SAMSN1: variants seen among roughly 807,000 people sequenced by gnomAD.
The protein encoded by SAMSN1 is SAM domain-containing protein SAMSN-1.
In SAMSN1, 31 loss-of-function variants were observed where a neutral mutation model predicts 42.0. The ratio of observed to expected loss-of-function variants is 0.74; its 90% CI spans 0.55 to 1.00. The LOEUF (loss-of-function observed/expected upper bound fraction) is 1.00. Among genes scored for constraint, SAMSN1 ranks in the 50% least tolerant of loss-of-function variants. The probability of loss-of-function intolerance (pLI) is 0.00; values close to 1 mark genes in which losing one functional copy is unlikely to be tolerated. For missense variants in SAMSN1, 464 were observed against 439.4 expected, an observed-to-expected ratio of 1.06 and a Z score of -0.50; for synonymous variants, 178 against 151.9, an observed-to-expected ratio of 1.17 and a Z score of -1.26.
chr21:14,562,117 C>T (rs1980965349), intron 2 of SAMSN1, among the ~76,000 whole-genome samples: 1 of 151,520 alleles, frequency 6.6e-6, no homozygotes. Flanking sequence ...GTAAGGTGAG[C>T]ATGTATACAT....
At chr21:14,599,459 G>A (rs2123294695) in intron 6 of SAMSN1, among the ~76,000 whole-genome samples, 1 of 152,300 alleles carries the variant, frequency 6.6e-6, no homozygotes, top group Middle Eastern at 3.4e-3. Flanking sequence ...AGGCAAAACT[G>A]TGAGTCAATT....
chr21:14,569,988 C>A (rs977086048), intron 2 of SAMSN1, among the ~76,000 whole-genome samples: 2 of 151,970 alleles, frequency 1.3e-5, no homozygotes, highest in East Asian at 3.9e-4. Context: ...CCACTTTCCC[C>A]CCCCCCAGTT....
chr21:14,590,689 T>C (rs903132113), intron 7 of SAMSN1, among the ~76,000 whole-genome samples: 1 of 152,210 alleles, frequency 6.6e-6, no homozygotes, highest in Admixed American at 6.5e-5. Context: ...TGGTAATTTG[T>C]TCTTAGCCAC....
At chr21:14,486,171 G>A (rs1986427922) in intron 7 of SAMSN1, 57 bp from the exon 8 acceptor site, 1 of 1,167,894 alleles carries the variant, frequency 8.6e-7, no homozygotes, top group South Asian at 1.3e-5. Flanking sequence ...TCTTATTCAT[G>A]TACTCATTCA....
chr21:14,495,785 A>T (rs1398657865), intron 7 of SAMSN1: 1 of 152,210 alleles, frequency 6.6e-6, no homozygotes, highest in Admixed American at 6.5e-5. Flanking sequence ...TTTCTGATAG[A>T]TGTAAGAGAC....
At position 14,577,048 on chromosome 21, in the gene SAMSN1, C is replaced by CTTTTTT. The variant is rs991163598; in HGVS notation, c.261+5082_261+5087dup. Among the ~76,000 whole-genome samples, 291 of 54,904 alleles carry CTTTTTT rather than the reference C, an allele frequency of 5.3e-3. 12 individuals are homozygous for CTTTTTT. The highest frequency in any genetic ancestry group is 6.7e-3 in the Non-Finnish European group (200 of 29,948). The allele number at this position is 54,904 out of a possible 152,430, so 36.0% of individuals were successfully genotyped here. ...GTTTATGTCTAGATTGCATCCGTTTCTTTTTTTTTTTTTTTTTTTTTTTTT... is the reference window on the plus strand; with the variant it reads ...GTTTATGTCTAGATTGCATCCGTTTCTTTTTTTTTTTTTTTTTTTTTTTTTTTTTTT... On this transcript the variant is annotated intron_variant, in intron 2 of 8. Transcript: ENST00000285670.
chr21:14,653,235 A>T (rs1668463221), intron 1 of SAMSN1, among the ~76,000 whole-genome samples: 1 of 152,002 alleles, frequency 6.6e-6, no homozygotes, highest in Admixed American at 6.6e-5. Context: ...TAAGATTTGG[A>T]CACAACCTAA....
intron 2 of SAMSN1, among the ~76,000 whole-genome samples, chr21:14,636,628 G>A (rs1983474008): frequency 6.6e-6 from 1 of 152,080 alleles, no homozygotes; most frequent in Non-Finnish European, 1.5e-5. Context: ...GGATCACGAG[G>A]TAACAAGATC....
chr21:14,643,077 T>C (rs185886235), exon 2 of SAMSN1: 1 of 717,388 alleles, frequency 1.4e-6, no homozygotes, highest in Non-Finnish European at 2.6e-6. Context: ...TAGACATGTT[T>C]TCTTGGTTAG....
intron 2 of SAMSN1, among the ~76,000 whole-genome samples, chr21:14,577,690 C>T (rs1044408806): frequency 2.6e-5 from 4 of 152,046 alleles, no homozygotes; most frequent in Non-Finnish European, 5.9e-5. Context: ...CACTTGGCTT[C>T]AAAGATTATT....
chr21:14,538,009 G>A (rs983052876), intron 1 of SAMSN1, among the ~76,000 whole-genome samples: 7 of 152,042 alleles, frequency 4.6e-5, no homozygotes, highest in African/African-American at 1.7e-4. Context: ...CTCCTGACTT[G>A]TCTTATTTGG....
chr21:14,537,010 C>T (rs1000357109), intron 1 of SAMSN1, among the ~76,000 whole-genome samples: 5 of 152,212 alleles, frequency 3.3e-5, no homozygotes, highest in Non-Finnish European at 7.3e-5. Flanking sequence ...ACTGGTCTCA[C>T]TCCCTTCAGT....
In SAMSN1 at chr21:14,510,312, T is replaced by C; in HGVS notation, c.559A>G (p.Lys187Glu). ...GGTGGGATATGATGTCCTCTCACCT[T>C]GATTTTGAGGGAGTCAGTGTCATAG... ...SPYDTDSLKI[K>E]KGDIIDIICK... The change falls in exon 5 of 8, where the codon AAG becomes GAG. Residue 187 changes from lysine to glutamate, a missense_variant and splice_region_variant. Transcript: ENST00000400566. 1 of 1,614,098 alleles carries C rather than the reference T, an allele frequency of 6.2e-7. No homozygotes were observed. The highest frequency in any genetic ancestry group is 1.1e-5 in the South Asian group (1 of 91,072).
chr21:14,530,038 C>T (rs767291008), intron 1 of SAMSN1, among the ~76,000 whole-genome samples: 4 of 152,056 alleles, frequency 2.6e-5, no homozygotes, highest in East Asian at 1.9e-4. Context: ...CAAATCTGGC[C>T]GGGCGCAGTG....
chr21:14,512,708 G>A (rs1987742273), intron 3 of SAMSN1, 135 bp from the exon 4 acceptor site: 4 of 764,002 alleles, frequency 5.2e-6, no homozygotes, highest in Non-Finnish European at 8.2e-6. Context: ...TACAAAAGTA[G>A]TTCATCTTCA....
chr21:14,602,175 CT>C (rs1224327201), intron 5 of SAMSN1: 11 of 437,184 alleles, frequency 2.5e-5, no homozygotes, highest in African/African-American at 1.2e-4. Flanking sequence ...CAATTTAACA[CT>C]CATGTTTTTA....
chr21:14,497,272 G>A (rs2822707), intron 7 of SAMSN1, among the ~76,000 whole-genome samples: 79,067 of 152,038 alleles, frequency 0.52, 21,194 homozygotes, highest in East Asian at 0.65. Context: ...GAGCACATAT[G>A]TTTTAAAAAT....
chr21:14,515,009 A>C (rs1987843408), intron 3 of SAMSN1, among the ~76,000 whole-genome samples: 1 of 152,236 alleles, frequency 6.6e-6, no homozygotes, highest in Non-Finnish European at 1.5e-5. Context: ...GATGAGAAAG[A>C]AAGCAGAGCC....
At chr21:14,633,897 G>A (rs1202167273) in intron 2 of SAMSN1, among the ~76,000 whole-genome samples, 1 of 152,034 alleles carries the variant, frequency 6.6e-6, no homozygotes, top group East Asian at 1.9e-4. Flanking sequence ...CATATTGTTT[G>A]TCTTTAAAAC....
Sources: gnomAD v4.1 joint callset for allele counts (sites outside exome capture counted in the v4.1 genomes callset) on GRCh38, gnomAD v4.1.1 for gene constraint, MANE v1.5 for transcripts, NCBI Gene and HGNC (gene_info 2026-07-23, HGNC 2026-07-21) for gene names.